COL4A6: variants seen among roughly 807,000 people sequenced by gnomAD.
COL4A6 encodes collagen alpha-6(IV) chain.
COL4A6 carries 59 observed loss-of-function variants against 126.7 expected under a neutral mutation model. That is an observed-to-expected ratio of 0.47 (90% CI 0.38 to 0.58). COL4A6 has a LOEUF of 0.58. COL4A6 is among the 20% of genes least tolerant of loss of function. COL4A6 has a pLI of 0.00. For missense variants in COL4A6, 1,285 were observed against 1,337.3 expected (o/e 0.96, Z 0.61); for synonymous variants, 547 against 496.6 (o/e 1.10, Z -1.35).
chrX:108,255,950 T>C (rs2036992524), intron 3 of COL4A6, among the ~76,000 whole-genome samples: 1 of 111,161 alleles, frequency 9.0e-6, no homozygotes, highest in Non-Finnish European at 1.9e-5. Flanking sequence ...AGGTGGTACG[T>C]AAAGTATACT....
chrX:108,230,759 C>T (rs944861638), intron 3 of COL4A6, among the ~76,000 whole-genome samples: 2 of 111,883 alleles, frequency 1.8e-5, no homozygotes, highest in African/African-American at 6.5e-5. Flanking sequence ...GCTAATGTCA[C>T]ACAGCTGCAC....
intron 3 of COL4A6, among the ~76,000 whole-genome samples, chrX:108,232,138 G>A (rs2036324965): frequency 8.9e-6 from 1 of 111,818 alleles, no homozygotes; most frequent in African/African-American, 3.2e-5. Flanking sequence ...TTACCCCTGG[G>A]AAATGTCAAT....
At position 108,219,736 on chromosome X, in the gene COL4A6, T is replaced by A. The variant is rs144792752; in HGVS notation, c.286A>T (p.Met96Leu). The stretch of plus-strand genomic sequence containing the variant: ...ATGCCAAGAAAGCCAGGAACTCCCA[T>A]GGGACCCTAAAAAAAGGAGTAGGGA... ...PYGPKGDKGP[M>L]GVPGFLGING... The change falls in exon 5 of 45, where the codon ATG (methionine) becomes TTG (leucine). Residue 96 changes from methionine to leucine, a missense_variant. By Grantham distance (15) the Met-to-Leu change is conservative (BLOSUM62 2). Transcript: ENST00000334504. The A allele has an allele frequency of 9.2e-4, 1,108 of 1,204,022 alleles. 3 individuals carry two copies. In the African/African-American group the frequency reaches 0.017, roughly 19 times the overall value.
intron 2 of COL4A6, among the ~76,000 whole-genome samples, chrX:108,393,257 A>T (rs1369791654): frequency 8.9e-6 from 1 of 112,544 alleles, no homozygotes; most frequent in African/African-American, 3.2e-5. Flanking sequence ...ATGAATGGAT[A>T]AACAAAATGT....
intron 3 of COL4A6, among the ~76,000 whole-genome samples, chrX:108,241,565 A>ATATATATC (rs2036573965): frequency 9.6e-6 from 1 of 104,104 alleles, no homozygotes; most frequent in African/African-American, 3.4e-5. Flanking sequence ...ATATATATAT[A>ATATATATC]TATATATAGC....
At chrX:108,242,559 A>T (rs943215550) in intron 3 of COL4A6, among the ~76,000 whole-genome samples, 1 of 112,352 alleles carries the variant, frequency 8.9e-6, no homozygotes, top group Admixed American at 9.4e-5. Context: ...AAGCTAAGCA[A>T]CCTATTTGAG....
intron 2 of COL4A6, among the ~76,000 whole-genome samples, chrX:108,329,738 T>A: frequency 9.0e-6 from 1 of 111,642 alleles, no homozygotes; most frequent in Non-Finnish European, 1.9e-5. Flanking sequence ...ATTGTACTAT[T>A]CTATTTTTTT....
At chrX:108,268,165 C>T (rs1425343214) in intron 3 of COL4A6, 1 of 111,498 alleles carries the variant, frequency 9.0e-6, no homozygotes, top group Non-Finnish European at 1.9e-5. Flanking sequence ...CGACTTACTC[C>T]ATAAAGGAAG....
chrX:108,167,566 G>A (rs1001631816), intron 37 of COL4A6, among the ~76,000 whole-genome samples: 1 of 110,714 alleles, frequency 9.0e-6, no homozygotes, highest in African/African-American at 3.3e-5. Context: ...CAACTCCTGG[G>A]CTCAAGCAAT....
rs780706017 is a variant in COL4A6 at position 108,195,139 on chromosome X, T to C, written c.904-13A>G. 2 of 1,186,395 alleles carry C rather than the reference T, an allele frequency of 1.7e-6. No homozygotes were observed. The highest frequency in any genetic ancestry group is 1.1e-6 in the Non-Finnish European group (1 of 876,232). ...AACCCATGGGACCCTGTAAAGAAAA[T>C]AGTTACACCTTAGAAACAGCAATAG... On this transcript the variant is annotated splice_polypyrimidine_tract_variant and intron_variant, in intron 14 of 44. Transcript: ENST00000334504.
chrX:108,425,116 A>G (rs1031473147), intron 2 of COL4A6, among the ~76,000 whole-genome samples: 2 of 111,064 alleles, frequency 1.8e-5, no homozygotes, highest in African/African-American at 6.6e-5. Flanking sequence ...AAACATTAAC[A>G]CACTGGAAAC....
chrX:108,370,157 G>A, intron 2 of COL4A6, among the ~76,000 whole-genome samples: 1 of 112,328 alleles, frequency 8.9e-6, no homozygotes, highest in East Asian at 2.8e-4. Context: ...GCATTATCCT[G>A]CCTTGTTTAT....
At chrX:108,339,473 C>G (rs2039509139) in intron 2 of COL4A6, among the ~76,000 whole-genome samples, 4 of 111,151 alleles carry the variant, frequency 3.6e-5, no homozygotes, top group African/African-American at 1.3e-4. Flanking sequence ...CAGTTCTTAG[C>G]AGCCCAGTTC....
chrX:108,213,917 T>G, intron 6 of COL4A6, 195 bp downstream of exon 6: 1 of 425,823 alleles, frequency 2.3e-6, no homozygotes, highest in Admixed American at 4.4e-5. Context: ...GTGTAGCATG[T>G]GCACACCCCA....
chrX:108,397,537 C>G (rs1466168891), intron 2 of COL4A6, among the ~76,000 whole-genome samples: 1 of 108,519 alleles, frequency 9.2e-6, no homozygotes, highest in Admixed American at 1.0e-4. Flanking sequence ...ATGCTGTATG[C>G]ATTCAAGTAA....
At chrX:108,182,512 A>C (rs1389244984) in intron 23 of COL4A6, among the ~76,000 whole-genome samples, 1 of 112,185 alleles carries the variant, frequency 8.9e-6, no homozygotes, top group Admixed American at 9.4e-5. Flanking sequence ...ACCCTGCCAG[A>C]CATCAAGATG....
chrX:108,422,138 G>T (rs887661838), intron 2 of COL4A6, among the ~76,000 whole-genome samples: 1 of 111,597 alleles, frequency 9.0e-6, no homozygotes, highest in African/African-American at 3.3e-5. Context: ...CACTTAGGAA[G>T]GCTGAGATGG....
chrX:108,408,382 A>C (rs868152014), intron 2 of COL4A6, among the ~76,000 whole-genome samples: 5 of 111,064 alleles, frequency 4.5e-5, no homozygotes, highest in Middle Eastern at 4.7e-3. Context: ...AGAAAGAAAG[A>C]AAGCAAGCTA....
At chrX:108,214,256 G>T (rs1458793352) in intron 5 of COL4A6, 28 bp from the exon 6 acceptor site, 4 of 1,059,779 alleles carry the variant, frequency 3.8e-6, no homozygotes, top group Non-Finnish European at 5.2e-6. Flanking sequence ...AAGGGATCAA[G>T]TTAGCCAAAG....
Sources: gnomAD v4.1 joint callset for allele counts (sites outside exome capture counted in the v4.1 genomes callset) on GRCh38, gnomAD v4.1.1 for gene constraint, MANE v1.5 for transcripts, NCBI Gene and HGNC (gene_info 2026-07-23, HGNC 2026-07-21) for gene names.